SH3GL2: variants seen among roughly 807,000 people sequenced by gnomAD.
SH3GL2 encodes SH3 domain containing GRB2 like 2, endophilin A1.
In SH3GL2, 24 loss-of-function variants were observed where a neutral mutation model predicts 46.0. That is an observed-to-expected ratio of 0.52 (90% CI 0.38 to 0.73). The LOEUF (loss-of-function observed/expected upper bound fraction) is 0.73, where lower values mean the gene tolerates loss of function less well. SH3GL2 is among the 30% of genes least tolerant of loss of function. The probability of loss-of-function intolerance (pLI) is 0.00; values close to 1 mark genes in which losing one functional copy is unlikely to be tolerated. For synonymous variants in SH3GL2, 196 were observed against 147.1 expected, an observed-to-expected ratio of 1.33 and a Z score of -2.40; for missense variants, 413 against 424.2, an observed-to-expected ratio of 0.97 and a Z score of 0.23.
intron 1 of SH3GL2, among the ~76,000 whole-genome samples, chr9:17,638,450 A>C (rs1251743898): frequency 6.6e-6 from 1 of 152,238 alleles, no homozygotes; most frequent in Non-Finnish European, 1.5e-5. Context: ...AAAAGTCAAC[A>C]AGTAAATGAA....
intron 1 of SH3GL2, among the ~76,000 whole-genome samples, chr9:17,655,660 C>G (rs1320261778): frequency 1.3e-5 from 2 of 152,062 alleles, no homozygotes; most frequent in African/African-American, 2.4e-5. Context: ...GTTGAAGAAC[C>G]TTTTCTTTAT....
chr9:17,791,338 T>C lies in SH3GL2; in HGVS notation c.728+4T>C, dbSNP rs373524153. ...TCACGGTCAGACTGGAAGAAAGGTA[T>C]TCTACAGTTCCCTGCATTTCACATT... is the stretch of plus-strand genomic sequence containing the variant. On this transcript the variant is annotated splice_donor_region_variant and intron_variant, in intron 7 of 8. Coordinates refer to ENST00000380607, the MANE Select transcript of SH3GL2 (RefSeq NM_003026.5). The C allele has an allele frequency of 6.3e-4, 982 of 1,564,612 alleles. 17 individuals carry two copies. The South Asian group carries it at 0.01, about 16-fold the overall frequency.
chr9:17,638,129 C>G (rs1445278188), intron 1 of SH3GL2, among the ~76,000 whole-genome samples: 2 of 150,930 alleles, frequency 1.3e-5, no homozygotes, highest in African/African-American at 4.9e-5. Flanking sequence ...TGCACTCCAG[C>G]CTGGGCGACA....
intron 1 of SH3GL2, among the ~76,000 whole-genome samples, chr9:17,648,093 C>G (rs989083464): frequency 3.3e-5 from 5 of 152,106 alleles, no homozygotes; most frequent in Non-Finnish European, 7.3e-5. Flanking sequence ...ATATAACATA[C>G]AAAATGTGTT....
chr9:17,705,889 TCATGA>T (rs1563820435), intron 1 of SH3GL2, among the ~76,000 whole-genome samples: 1 of 151,832 alleles, frequency 6.6e-6, no homozygotes, highest in Non-Finnish European at 1.5e-5. Flanking sequence ...CACCAAATGC[TCATGA>T]CATGCAATTT....
chr9:17,659,237 C>T (rs16935854), intron 1 of SH3GL2, among the ~76,000 whole-genome samples: 1 of 152,150 alleles, frequency 6.6e-6, no homozygotes, highest in Non-Finnish European at 1.5e-5. Flanking sequence ...CCATTTGGCT[C>T]TCTTCCCCAT....
chr9:17,670,865 G>A (rs1402359861), intron 1 of SH3GL2, among the ~76,000 whole-genome samples: 1 of 152,134 alleles, frequency 6.6e-6, no homozygotes, highest in Non-Finnish European at 1.5e-5. Flanking sequence ...TCACCTGGAA[G>A]GCTTATTAAA....
chr9:17,734,171 G>T (rs531889849), intron 1 of SH3GL2, among the ~76,000 whole-genome samples: 8 of 152,106 alleles, frequency 5.3e-5, no homozygotes, highest in Non-Finnish European at 1.2e-4. Context: ...CATCTGGAAT[G>T]ATGCCATTTA....
At chr9:17,610,809 G>A (rs1818848135) in intron 1 of SH3GL2, among the ~76,000 whole-genome samples, 2 of 151,976 alleles carry the variant, frequency 1.3e-5, no homozygotes, top group African/African-American at 2.4e-5. Context: ...TTAAAAAATA[G>A]GGCAGTGCCC....
At chr9:17,781,821 G>T (rs927790945) in intron 3 of SH3GL2, among the ~76,000 whole-genome samples, 1 of 151,872 alleles carries the variant, frequency 6.6e-6, no homozygotes, top group East Asian at 1.9e-4. Context: ...AGCCCAGCTC[G>T]AGCATCATCT....
At chr9:17,638,766 C>G (rs1189576751) in intron 1 of SH3GL2, among the ~76,000 whole-genome samples, 1 of 152,204 alleles carries the variant, frequency 6.6e-6, no homozygotes, top group Non-Finnish European at 1.5e-5. Context: ...AGCTGCCAAC[C>G]TCTCCTCAAC....
chr9:17,791,290 G>A lies in SH3GL2; in HGVS notation c.684G>A (p.Gln228=). The change falls in exon 7 of 9, where the codon CAG becomes CAA. Residue 228 remains glutamine, a synonymous_variant. Coordinates refer to ENST00000380607, the MANE Select transcript of SH3GL2 (RefSeq NM_003026.5). ...AAGCTCAGCTGGAGTACCACAAGCA[G>A]GCAGTCCAGATCCTGCAGCAAGTCA... The part of the protein sequence containing the change: ...LVQAQLEYHK[Q]AVQILQQVTV... 6.2e-7 allele frequency: 1 copy of A among 1,613,720 alleles called. No individual in the cohort carries two copies. Among genetic ancestry groups the A allele is most frequent in the South Asian group, 1.1e-5 (1 of 91,078 alleles).
intron 1 of SH3GL2, chr9:17,654,030 T>G (rs755043028): frequency 5.4e-6 from 1 of 185,444 alleles, no homozygotes; most frequent in Non-Finnish European, 1.0e-5. Flanking sequence ...TTCAGCATTT[T>G]AAGCTTTGAC....
intron 1 of SH3GL2, 67 bp downstream of exon 1, chr9:17,579,354 TG>T: frequency 1.7e-6 from 2 of 1,175,152 alleles, no homozygotes; most frequent in South Asian, 3.1e-5. Flanking sequence ...CGCTCGGCGC[TG>T]GCCGTCCGGC....
chr9:17,657,350 A>T (rs1224893330), intron 1 of SH3GL2, among the ~76,000 whole-genome samples: 1 of 151,736 alleles, frequency 6.6e-6, no homozygotes, highest in African/African-American at 2.4e-5. Flanking sequence ...GCATGATAGG[A>T]GAGAGAGAGA....
At chr9:17,587,908 A>G (rs1234435785) in intron 1 of SH3GL2, among the ~76,000 whole-genome samples, 3 of 152,124 alleles carry the variant, frequency 2.0e-5, no homozygotes, top group African/African-American at 4.8e-5. Context: ...CCAAAAAAAA[A>G]AAACCAGAAA....
chr9:17,675,001 G>A (rs1172651403), intron 1 of SH3GL2, among the ~76,000 whole-genome samples: 1 of 152,170 alleles, frequency 6.6e-6, no homozygotes, highest in Non-Finnish European at 1.5e-5. Flanking sequence ...TTGCCAAGGG[G>A]TGTGCATACA....
chr9:17,660,142 C>T (rs1820177981), intron 1 of SH3GL2, among the ~76,000 whole-genome samples: 2 of 152,206 alleles, frequency 1.3e-5, no homozygotes, highest in African/African-American at 2.4e-5. Flanking sequence ...TGCTAAATGC[C>T]TGGCATGCAT....
chr9:17,705,381 C>T (rs1412235396), intron 1 of SH3GL2, among the ~76,000 whole-genome samples: 11 of 152,056 alleles, frequency 7.2e-5, no homozygotes, highest in African/African-American at 2.7e-4. Context: ...ACCCAGCAAT[C>T]CCATATTGGG....
Sources: gnomAD v4.1 joint callset for allele counts (sites outside exome capture counted in the v4.1 genomes callset) on GRCh38, gnomAD v4.1.1 for gene constraint, MANE v1.5 for transcripts, NCBI Gene and HGNC (gene_info 2026-07-23, HGNC 2026-07-21) for gene names.